ATP6V1E1: variants seen among roughly 807,000 people sequenced by gnomAD.
The protein encoded by ATP6V1E1 is ATPase H+ transporting V1 subunit E1.
In ATP6V1E1, 21 loss-of-function variants were observed where a neutral mutation model predicts 35.2. The ratio of observed to expected loss-of-function variants is 0.60; its 90% CI spans 0.42 to 0.86. The LOEUF (loss-of-function observed/expected upper bound fraction) is 0.86. Among genes scored for constraint, ATP6V1E1 ranks in the 40% least tolerant of loss-of-function variants. The probability of loss-of-function intolerance (pLI) is 0.00; values close to 1 mark genes in which losing one functional copy is unlikely to be tolerated. For synonymous variants in ATP6V1E1, 83 were observed against 87.8 expected, an observed-to-expected ratio of 0.95 and a Z score of 0.30; for missense variants, 183 against 272.6, an observed-to-expected ratio of 0.67 and a Z score of 2.32.
chr22:17,596,968 C>A (rs988221266), intron 7 of ATP6V1E1, among the ~76,000 whole-genome samples: 2 of 151,856 alleles, frequency 1.3e-5, no homozygotes, highest in Middle Eastern at 3.2e-3. Flanking sequence ...AGGCACCAGG[C>A]ATGGTGGCTC....
At chr22:17,599,869 T>A (rs1601374782) in intron 6 of ATP6V1E1, among the ~76,000 whole-genome samples, 158 bp downstream of exon 6, 1 of 146,544 alleles carries the variant, frequency 6.8e-6, no homozygotes, top group Non-Finnish European at 1.5e-5. Context: ...AGGTTACAGG[T>A]GAGTGGAGAT....
At chr22:17,613,009 CT>C in intron 3 of ATP6V1E1, 131 bp from the exon 4 acceptor site, 2 of 930,088 alleles carry the variant, frequency 2.2e-6, no homozygotes, top group African/African-American at 1.7e-5. Flanking sequence ...CGTGAGCCAC[CT>C]TGCCCAGCCT....
At chr22:17,615,987 G>A (rs1466861168) in intron 2 of ATP6V1E1, among the ~76,000 whole-genome samples, 1 of 151,044 alleles carries the variant, frequency 6.6e-6, no homozygotes, top group Admixed American at 6.6e-5. Context: ...TGCTGAGATC[G>A]TGCCATTGCA....
intron 5 of ATP6V1E1, chr22:17,600,861 T>A: frequency 3.0e-6 from 1 of 337,320 alleles, no homozygotes; most frequent in Non-Finnish European, 5.4e-6. Context: ...CATAATTGAG[T>A]AGTAGGCCTG....
intron 1 of ATP6V1E1, among the ~76,000 whole-genome samples, chr22:17,624,756 G>A (rs1215051291): frequency 6.6e-6 from 1 of 152,112 alleles, no homozygotes; most frequent in African/African-American, 2.4e-5. Flanking sequence ...AGGAGGCAGA[G>A]GTTGCAGCAA....
At chr22:17,618,479 G>A (rs904476703) in intron 2 of ATP6V1E1, among the ~76,000 whole-genome samples, 1 of 151,424 alleles carries the variant, frequency 6.6e-6, no homozygotes, top group Non-Finnish European at 1.5e-5. Context: ...TCAGGAGATC[G>A]AGACCATCCT....
At chr22:17,628,094 T>C (rs112238826) in intron 1 of ATP6V1E1, among the ~76,000 whole-genome samples, 1 of 150,382 alleles carries the variant, frequency 6.6e-6, no homozygotes, top group African/African-American at 2.4e-5. Context: ...GCTTCCCGAG[T>C]AGCTGGGATT....
intron 7 of ATP6V1E1, among the ~76,000 whole-genome samples, chr22:17,595,762 A>G (rs1286731294): frequency 1.3e-5 from 2 of 151,576 alleles, no homozygotes; most frequent in East Asian, 3.9e-4. Context: ...CAGAGGTTGC[A>G]GCAAGCCGAG....
In ATP6V1E1 at chr22:17,592,174, A is replaced by T. The variant is rs115457940; in HGVS notation, c.*500T>A. 3 of 154,306 alleles carry T rather than the reference A, an allele frequency of 1.9e-5. No individual in the cohort carries two copies. Among genetic ancestry groups the T allele is most frequent in the African/African-American group, 7.2e-5 (3 of 41,476 alleles). The allele number at this position is 154,306 out of a possible 1,614,324, so 9.6% of individuals were successfully genotyped here. A position where few individuals can be genotyped will look rare whatever the true frequency, so the allele number is the denominator to read the frequency against. ...ACACTAGAAATCACATTAAATCCGC[A>T]TAACTCTTTTAATAAATAAAGCATA... is the stretch of plus-strand genomic sequence containing the variant. On this transcript the variant is annotated 3_prime_UTR_variant, in exon 9 of 9. Coordinates refer to ENST00000253413, the MANE Select transcript of ATP6V1E1 (RefSeq NM_001696.4).
chr22:17,624,854 G>A (rs558809804), intron 1 of ATP6V1E1, among the ~76,000 whole-genome samples: 1 of 151,994 alleles, frequency 6.6e-6, no homozygotes, highest in Non-Finnish European at 1.5e-5. Flanking sequence ...TAGATTCCAA[G>A]GAACTATAGC....
chr22:17,601,304 A>G, intron 4 of ATP6V1E1, 123 bp from the exon 5 acceptor site: 1 of 722,602 alleles, frequency 1.4e-6, no homozygotes, highest in Non-Finnish European at 2.3e-6. Flanking sequence ...TTTTCATTCA[A>G]CACACATTCC....
chr22:17,616,384 A>G (rs984179658), intron 2 of ATP6V1E1, among the ~76,000 whole-genome samples: 11 of 151,722 alleles, frequency 7.3e-5, no homozygotes, highest in East Asian at 5.8e-4. Context: ...TGAGACAGAA[A>G]TGCATTTACT....
chr22:17,618,845 C>A (rs1433333006), intron 2 of ATP6V1E1, among the ~76,000 whole-genome samples: 1 of 151,854 alleles, frequency 6.6e-6, no homozygotes, highest in Non-Finnish European at 1.5e-5. Flanking sequence ...ACTAAAAATA[C>A]AAAAATTAGA....
intron 7 of ATP6V1E1, among the ~76,000 whole-genome samples, chr22:17,597,350 C>G (rs1338827258): frequency 1.3e-5 from 2 of 151,926 alleles, no homozygotes; most frequent in Non-Finnish European, 2.9e-5. Flanking sequence ...ACTGGCTCTC[C>G]CCTTGTCAGG....
intron 4 of ATP6V1E1, among the ~76,000 whole-genome samples, chr22:17,607,199 C>G (rs1423332336): frequency 6.6e-6 from 1 of 151,914 alleles, no homozygotes; most frequent in Non-Finnish European, 1.5e-5. Context: ...CACTCTGTCG[C>G]CAGGCTGGAG....
At chr22:17,615,307 AT>A (rs1382198801) in intron 2 of ATP6V1E1, among the ~76,000 whole-genome samples, 3 of 152,050 alleles carry the variant, frequency 2.0e-5, no homozygotes, top group South Asian at 4.1e-4. Context: ...TCCAAAAAAA[AT>A]ATTAATTTTT....
intron 4 of ATP6V1E1, among the ~76,000 whole-genome samples, chr22:17,602,016 C>T (rs1338128092): frequency 5.3e-5 from 8 of 152,074 alleles, no homozygotes; most frequent in Non-Finnish European, 8.8e-5. Flanking sequence ...GTGATCTTCC[C>T]GCTTCAACCT....
chr22:17,598,447 A>G (rs2057744567), intron 6 of ATP6V1E1, among the ~76,000 whole-genome samples, 159 bp from the exon 7 acceptor site: 1 of 152,126 alleles, frequency 6.6e-6, no homozygotes, highest in South Asian at 2.1e-4. Flanking sequence ...CACTGAGGAG[A>G]AATGACAGTC....
chr22:17,606,841 C>A lies in ATP6V1E1; in HGVS notation c.277-5660G>T, dbSNP rs578058231. 9.2e-5 allele frequency among the ~76,000 whole-genome samples: 14 copies of A among 152,320 alleles called. No individual in the cohort carries two copies. The South Asian group carries it at 2.9e-3, about 32-fold the overall frequency. ...ACCATGCTCTTCCCACTGTCATTCT[C>A]TCAAACATTGAACACTGTATTAGAG... is the stretch of plus-strand genomic sequence containing the variant. On this transcript the variant is annotated intron_variant, in intron 4 of 8. Transcript: ENST00000253413.
Sources: gnomAD v4.1 joint callset for allele counts (sites outside exome capture counted in the v4.1 genomes callset) on GRCh38, gnomAD v4.1.1 for gene constraint, MANE v1.5 for transcripts, NCBI Gene and HGNC (gene_info 2026-07-23, HGNC 2026-07-21) for gene names.